The following HMGN5 variants were observed in gnomAD, a reference collection of about 807,000 sequenced individuals.
HMGN5 encodes high mobility group nucleosome binding domain 5, also known as high mobility group nucleosome-binding domain-containing protein 5.
HMGN5 carries 4 observed loss-of-function variants against 9.5 expected under a neutral mutation model. The observed-to-expected ratio is 0.42, with a 90% CI of 0.21 to 0.96. The LOEUF is 0.96. Among genes scored for constraint, HMGN5 ranks in the 40% least tolerant of loss-of-function variants. The pLI, the probability that HMGN5 is intolerant of heterozygous loss-of-function variation, is 0.30. For missense variants in HMGN5, 192 were observed against 187.5 expected, an observed-to-expected ratio of 1.02 and a Z score of -0.14; for synonymous variants, 55 against 57.1, an observed-to-expected ratio of 0.96 and a Z score of 0.16.
intron 3 of HMGN5, 50 bp from the exon 4 acceptor site, chrX:81,118,809 C>G (rs376099399): frequency 1.1e-6 from 1 of 909,829 alleles, no homozygotes; most frequent in African/African-American, 2.0e-5. Context: ...ATACAAAAAG[C>G]TAGAATTATT....
intron 1 of HMGN5, among the ~76,000 whole-genome samples, chrX:81,165,698 T>C (rs2075409183): frequency 9.0e-6 from 1 of 111,477 alleles, no homozygotes; most frequent in Non-Finnish European, 1.9e-5. Context: ...AGTCTCTCTA[T>C]GAATAGAAGT....
Position 81,115,042 on chromosome X carries a change from T to A in HMGN5, c.456A>T (p.Lys152Asn). The A allele has an allele frequency of 8.6e-7, 1 of 1,156,321 alleles. No individual in the cohort carries two copies. The highest frequency in any genetic ancestry group is 1.2e-6 in the Non-Finnish European group (1 of 869,534). Residue 152 changes from lysine (K) to asparagine (N), a missense_variant, in exon 7 of 7, where the codon AAA becomes AAT. Physicochemically the swap from Lys to Asn is moderately conservative, Grantham distance 94 (BLOSUM62 0). Coordinates refer to ENST00000358130, the MANE Select transcript of HMGN5 (RefSeq NM_030763.3). ...TATCCTCTTTTCCATCTTCTTCCCC[T>A]TTTTCATCTTTGTCTTCTTTTCCAG... is the stretch of plus-strand genomic sequence containing the variant. ...GEAGKEDKDEKGEEDGKEDKN... is the reference protein window; with the variant it reads ...GEAGKEDKDENGEEDGKEDKN...
chrX:81,192,975 A>T (rs1378099542), intron 1 of HMGN5, among the ~76,000 whole-genome samples: 1 of 110,601 alleles, frequency 9.0e-6, no homozygotes, highest in Non-Finnish European at 1.9e-5. Flanking sequence ...AGGTAAGATT[A>T]TTTTCAATCG....
At chrX:81,184,174 C>T (rs2075470765) in intron 1 of HMGN5, among the ~76,000 whole-genome samples, 1 of 111,581 alleles carries the variant, frequency 9.0e-6, no homozygotes, top group Non-Finnish European at 1.9e-5. Flanking sequence ...TGGGAGATGA[C>T]TGGATTATGG....
intron 1 of HMGN5, among the ~76,000 whole-genome samples, chrX:81,155,959 T>C (rs1472654544): frequency 8.9e-6 from 1 of 111,794 alleles, no homozygotes; most frequent in Non-Finnish European, 1.9e-5. Flanking sequence ...GGATTGTCTC[T>C]TGTAAATAGC....
chrX:81,188,488 T>C (rs1360980322), intron 1 of HMGN5, among the ~76,000 whole-genome samples: 6 of 109,429 alleles, frequency 5.5e-5, no homozygotes, highest in Non-Finnish European at 1.1e-4. Flanking sequence ...TTTTTTTATA[T>C]ATATATACTT....
chrX:81,127,865 G>A (rs2075288583), intron 1 of HMGN5, among the ~76,000 whole-genome samples: 1 of 111,548 alleles, frequency 9.0e-6, no homozygotes, highest in Non-Finnish European at 1.9e-5. Context: ...AACATTAACT[G>A]TATAGTCCTT....
At chrX:81,168,054 T>C (rs1334621816) in intron 1 of HMGN5, among the ~76,000 whole-genome samples, 1 of 112,233 alleles carries the variant, frequency 8.9e-6, no homozygotes, top group African/African-American at 3.2e-5. Context: ...GCAGAACTTG[T>C]GGGAGCAGAC....
rs186298538 is a variant in HMGN5 at position 81,141,250 on chromosome X, G to A, written c.-123-19578C>T. On this transcript the variant is annotated intron_variant, in intron 1 of 6. Transcript: ENST00000358130. ...CCTGGGGGAAGTCTTCACCCTGCAG[G>A]GAAGGACACAGGTCTGGCTGGCCTT... Among the ~76,000 whole-genome samples, 65 of 111,819 alleles carry A rather than the reference G, an allele frequency of 5.8e-4. 1 individual carries two copies. Among genetic ancestry groups the A allele is most frequent in the Non-Finnish European group, 2.1e-4 (11 of 53,102 alleles).
chrX:81,117,792 G>C (rs931085410), intron 5 of HMGN5, among the ~76,000 whole-genome samples: 2 of 110,490 alleles, frequency 1.8e-5, no homozygotes, highest in Admixed American at 1.9e-4. Flanking sequence ...CAACTACAAA[G>C]TGATAGGATT....
intron 1 of HMGN5, among the ~76,000 whole-genome samples, chrX:81,162,786 C>A (rs901332748): frequency 9.0e-6 from 1 of 111,294 alleles, no homozygotes; most frequent in African/African-American, 3.3e-5. Flanking sequence ...TGTAGTTGAG[C>A]TGCTGTCATT....
intron 1 of HMGN5, among the ~76,000 whole-genome samples, chrX:81,161,172 T>G (rs1347273459): frequency 5.4e-5 from 6 of 110,661 alleles, no homozygotes; most frequent in African/African-American, 2.0e-4. Flanking sequence ...GCTTCCTTAC[T>G]GATCTGATGT....
At chrX:81,115,305 G>T in intron 6 of HMGN5, 75 bp from the exon 7 acceptor site, 4 of 989,753 alleles carry the variant, frequency 4.0e-6, no homozygotes, top group Non-Finnish European at 5.2e-6. Flanking sequence ...ATTTACACTG[G>T]ATTATATCTA....
chrX:81,170,636 A>G (rs2075423767), intron 1 of HMGN5, among the ~76,000 whole-genome samples: 1 of 111,556 alleles, frequency 9.0e-6, no homozygotes, highest in South Asian at 3.8e-4. Flanking sequence ...GGTATTATCA[A>G]CAAGATATAT....
Position 81,179,026 on chromosome X carries a change from A to T in HMGN5, c.-124+22711T>A, listed in dbSNP as rs753110557. On this transcript the variant is annotated intron_variant, in intron 1 of 6. Coordinates refer to ENST00000358130, the MANE Select transcript of HMGN5 (RefSeq NM_030763.3). ...GCTCTTCATGCTAAAAACTCTCAATAAACAGGGTATTGATGGGACGTATCT... is the reference window on the plus strand; with the variant it reads ...GCTCTTCATGCTAAAAACTCTCAATTAACAGGGTATTGATGGGACGTATCT... Among the ~76,000 whole-genome samples, 50 of 111,970 alleles carry T rather than the reference A, an allele frequency of 4.5e-4. No homozygotes were observed. In the Middle Eastern group the frequency reaches 0.018, roughly 41 times the overall value.
chrX:81,176,988 T>A (rs768755462), intron 1 of HMGN5, among the ~76,000 whole-genome samples: 8 of 109,449 alleles, frequency 7.3e-5, no homozygotes, highest in African/African-American at 2.7e-4. Flanking sequence ...GACACATAAT[T>A]GTCAGATTCA....
intron 1 of HMGN5, among the ~76,000 whole-genome samples, chrX:81,149,430 G>A (rs918883605): frequency 9.0e-6 from 1 of 111,414 alleles, no homozygotes; most frequent in East Asian, 2.8e-4. Context: ...TTGAACACAT[G>A]GACACAGGGA....
At position 81,180,972 on chromosome X, in the gene HMGN5, T is replaced by C. The variant is rs147561488; in HGVS notation, c.-124+20765A>G. On this transcript the variant is annotated intron_variant, in intron 1 of 6. Coordinates refer to ENST00000358130, the MANE Select transcript of HMGN5 (RefSeq NM_030763.3). ...GGACAGAAAACCAAACACTGTATAT[T>C]CTCAGTCGTAGGTGGGAATTGACCA... is the stretch of plus-strand genomic sequence containing the variant. Among the ~76,000 whole-genome samples, 527 of 110,724 alleles carry C rather than the reference T, an allele frequency of 4.8e-3. 3 individuals carry two copies. Among genetic ancestry groups the C allele is most frequent in the Non-Finnish European group, 8.3e-3 (440 of 52,896 alleles).
chrX:81,133,367 A>G (rs1440893671), intron 1 of HMGN5, among the ~76,000 whole-genome samples: 1 of 111,498 alleles, frequency 9.0e-6, no homozygotes, highest in Non-Finnish European at 1.9e-5. Flanking sequence ...GTATATAACC[A>G]AAGGAATGTA....
Sources: gnomAD v4.1 joint callset for allele counts (sites outside exome capture counted in the v4.1 genomes callset) on GRCh38, gnomAD v4.1.1 for gene constraint, MANE v1.5 for transcripts, NCBI Gene and HGNC (gene_info 2026-07-23, HGNC 2026-07-21) for gene names.